ZFYVE21: variants seen among roughly 807,000 people sequenced by gnomAD.
ZFYVE21 encodes zinc finger FYVE-type containing 21, also known as zinc finger FYVE domain-containing protein 21.
In ZFYVE21, 21 loss-of-function variants were observed where a neutral mutation model predicts 29.5. The ratio of observed to expected loss-of-function variants is 0.71; its 90% CI spans 0.50 to 1.02. ZFYVE21 has a LOEUF of 1.02. ZFYVE21 is among the 50% of genes least tolerant of loss of function. ZFYVE21 has a pLI of 0.00. For missense variants in ZFYVE21, 326 were observed against 335.4 expected (o/e 0.97, Z 0.22); for synonymous variants, 151 against 133.8 (o/e 1.13, Z -0.89).
chr14:103,715,810 G>A lies in ZFYVE21; in HGVS notation c.-32G>A, dbSNP rs1012693408. 2.3e-6 allele frequency: 3 copies of A among 1,324,048 alleles called. No individual in the cohort carries two copies. Among genetic ancestry groups the A allele is most frequent in the Non-Finnish European group, 2.9e-6 (3 of 1,030,252 alleles). 82.0% of individuals were successfully genotyped at this position (1,324,048 alleles called of 1,614,324 possible). A position where few individuals can be genotyped will look rare whatever the true frequency, so the allele number is the denominator to read the frequency against. ...CCGGGCTGGGCGAGGGGCCGGGTGC[G>A]GGGCCGCTGGCCGAGAGGCTGAGGC... On this transcript the variant is annotated 5_prime_UTR_variant, in exon 1 of 7. Coordinates refer to ENST00000311141, the MANE Select transcript of ZFYVE21 (RefSeq NM_024071.4).
Position 103,716,114 on chromosome 14 carries a change from C to A in ZFYVE21, c.138+135C>A. The A allele has an allele frequency of 1.1e-6, 1 of 924,812 alleles. No homozygotes were observed. The highest frequency in any genetic ancestry group is 1.4e-6 in the Non-Finnish European group (1 of 740,288). The allele number at this position is 924,812 out of a possible 1,614,324, so 57.3% of individuals were successfully genotyped here. ...TCCCCAGCCGGCCCCCGCCCCCGCT[C>A]TCTCCCAGGTTGGCCGCGTCCCCGG... On this transcript the variant is annotated intron_variant, in intron 1 of 6. Transcript: ENST00000311141. This position sits in a 1 kb window ranked among gnomAD's most constrained non-coding sequence, Gnocchi z 4.8.
chr14:103,716,376 G>C lies in ZFYVE21; in HGVS notation c.138+397G>C, dbSNP rs2083811592. On this transcript the variant is annotated intron_variant, in intron 1 of 6. Transcript: ENST00000311141. This position sits in a 1 kb window ranked among gnomAD's most constrained non-coding sequence, Gnocchi z 4.8. ...CTCGCTCCCGAGAAAGTGGAAGGCG[G>C]AGCGCCTTCCTCGCAGGCTCGGTGG... is the stretch of plus-strand genomic sequence containing the variant. Among the ~76,000 whole-genome samples, 1 of 152,274 alleles carries C rather than the reference G, an allele frequency of 6.6e-6. No homozygotes were observed. The highest frequency in any genetic ancestry group is 2.4e-5 in the African/African-American group (1 of 41,566).
intron 1 of ZFYVE21, among the ~76,000 whole-genome samples, chr14:103,722,138 T>C (rs1267651606): frequency 1.3e-5 from 2 of 152,216 alleles, no homozygotes; most frequent in Non-Finnish European, 2.9e-5. Context: ...GGGTAGGTAT[T>C]TGGCAGTAGT....
Position 103,716,071 on chromosome 14 carries a change from C to T in ZFYVE21, c.138+92C>T, listed in dbSNP as rs1398571217. 5 of 1,121,904 alleles carry T rather than the reference C, an allele frequency of 4.5e-6. No individual in the cohort carries two copies. Among genetic ancestry groups the T allele is most frequent in the Non-Finnish European group, 5.5e-6 (5 of 910,656 alleles). The allele number at this position is 1,121,904 out of a possible 1,614,324, so 69.5% of individuals were successfully genotyped here. A position where few individuals can be genotyped will look rare whatever the true frequency, so the allele number is the denominator to read the frequency against. The stretch of plus-strand genomic sequence containing the variant: ...TTCCAGGCTCCCGCGACGACCCCTC[C>T]GCCTCCGGGCGGCCCCTTCCCCAGC... On this transcript the variant is annotated intron_variant, in intron 1 of 6. Transcript: ENST00000311141. The surrounding 1 kb of genome is among the most constrained non-coding windows in gnomAD (Gnocchi z 4.8).
chr14:103,733,244 A>ATACT lies in ZFYVE21; in HGVS notation c.*229_*232dup. The ATACT allele has an allele frequency of 3.5e-6, 2 of 565,400 alleles. No homozygotes were observed. The highest frequency in any genetic ancestry group is 4.6e-5 in the South Asian group (2 of 43,752). The allele number at this position is 565,400 out of a possible 1,614,324, so 35.0% of individuals were successfully genotyped here. A position where few individuals can be genotyped will look rare whatever the true frequency, so the allele number is the denominator to read the frequency against. On this transcript the variant is annotated 3_prime_UTR_variant, in exon 7 of 7. Coordinates refer to ENST00000311141, the MANE Select transcript of ZFYVE21 (RefSeq NM_024071.4). ...ATGTTTTAGAATTTGTGTATTGTCAATACTTAATTGGGGGTGGGAGAGACT... is the reference window on the plus strand; with the variant it reads ...ATGTTTTAGAATTTGTGTATTGTCAATACTTACTTAATTGGGGGTGGGAGAGACT...
intron 1 of ZFYVE21, among the ~76,000 whole-genome samples, chr14:103,722,055 G>A (rs993820315): frequency 6.6e-6 from 1 of 152,036 alleles, no homozygotes; most frequent in Non-Finnish European, 1.5e-5. Context: ...AGTTAAAGGA[G>A]GCGCTGGTGG....
At chr14:103,721,470 G>A (rs1050689345) in intron 1 of ZFYVE21, among the ~76,000 whole-genome samples, 6 of 152,252 alleles carry the variant, frequency 3.9e-5, no homozygotes, top group Admixed American at 3.3e-4. Flanking sequence ...GCCTCCCATG[G>A]AGGTGAGTGC....
intron 1 of ZFYVE21, among the ~76,000 whole-genome samples, chr14:103,722,523 TA>T (rs34019401): frequency 6.6e-6 from 1 of 151,418 alleles, no homozygotes; most frequent in Non-Finnish European, 1.5e-5. Flanking sequence ...CCTGGCTCAT[TA>T]AAAAAAATGT....
intron 5 of ZFYVE21, 94 bp from the exon 6 acceptor site, chr14:103,732,526 A>G: frequency 7.0e-7 from 1 of 1,430,944 alleles, no homozygotes; most frequent in Non-Finnish European, 9.3e-7. Context: ...GAGCAGCACA[A>G]GGTTAGGATG....
At chr14:103,729,583 G>T (rs546677935) in intron 5 of ZFYVE21, 2 of 646,586 alleles carry the variant, frequency 3.1e-6, no homozygotes, top group South Asian at 3.9e-5. Context: ...GCAGGCGTCT[G>T]TGCAGACTAA....
Position 103,716,957 on chromosome 14 carries a change from A to C in ZFYVE21, c.138+978A>C, listed in dbSNP as rs2083826545. On this transcript the variant is annotated intron_variant, in intron 1 of 6. Coordinates refer to ENST00000311141, the MANE Select transcript of ZFYVE21 (RefSeq NM_024071.4). This position sits in a 1 kb window ranked among gnomAD's most constrained non-coding sequence, Gnocchi z 4.8. ...TTGTAATATGACTTTCATACTTAACACGTGTTACAGATTCGTTTAATTCCC... is the reference window on the plus strand; with the variant it reads ...TTGTAATATGACTTTCATACTTAACCCGTGTTACAGATTCGTTTAATTCCC... Among the ~76,000 whole-genome samples, 1 of 152,202 alleles carries C rather than the reference A, an allele frequency of 6.6e-6. No individual in the cohort carries two copies. The highest frequency in any genetic ancestry group is 1.5e-5 in the Non-Finnish European group (1 of 68,050).
intron 1 of ZFYVE21, among the ~76,000 whole-genome samples, chr14:103,723,540 G>A (rs1295204308): frequency 2.6e-5 from 4 of 152,260 alleles, no homozygotes; most frequent in Non-Finnish European, 5.9e-5. Context: ...ACAAAGCTCA[G>A]GACCTGCCTG....
chr14:103,727,068 C>G, intron 2 of ZFYVE21: 1 of 503,776 alleles, frequency 2.0e-6, no homozygotes. Flanking sequence ...GCCTCAGCCT[C>G]CTGAGTAGCT....
At chr14:103,727,346 CTGTG>C (rs1319618548) in intron 2 of ZFYVE21, 5 of 382,424 alleles carry the variant, frequency 1.3e-5, no homozygotes, top group Non-Finnish European at 2.5e-5. Flanking sequence ...CTTGCGAGGC[CTGTG>C]CACCCACCTG....
At chr14:103,720,783 G>C (rs2083865923) in intron 1 of ZFYVE21, among the ~76,000 whole-genome samples, 1 of 152,076 alleles carries the variant, frequency 6.6e-6, no homozygotes, top group Non-Finnish European at 1.5e-5. Flanking sequence ...GCTCCATGCT[G>C]GTGTCTGCCG....
intron 5 of ZFYVE21, chr14:103,732,332 G>T (rs144595142): frequency 6.6e-6 from 2 of 303,522 alleles, no homozygotes; most frequent in South Asian, 2.3e-4. Flanking sequence ...TCAATTAGCC[G>T]AGAGCAAGGC....
chr14:103,722,164 C>T (rs1245307061), intron 1 of ZFYVE21, among the ~76,000 whole-genome samples: 3 of 152,132 alleles, frequency 2.0e-5, no homozygotes, highest in Admixed American at 1.3e-4. Flanking sequence ...CTTATGTCTT[C>T]ATCCATTGCT....
chr14:103,719,278 A>AAAAT (rs762035229), intron 1 of ZFYVE21, among the ~76,000 whole-genome samples: 164 of 152,208 alleles, frequency 1.1e-3, no homozygotes, highest in Middle Eastern at 3.4e-3. Context: ...ACTCCGTCTC[A>AAAAT]AAATAAATAA....
At chr14:103,732,949 A>G in intron 6 of ZFYVE21, 34 bp from the exon 7 acceptor site, 1 of 1,614,112 alleles carries the variant, frequency 6.2e-7, no homozygotes, top group Non-Finnish European at 8.5e-7. Context: ...AGGACCAAGC[A>G]GGCCTCACTG....
Sources: allele counts gnomAD v4.1 joint callset (sites outside exome capture counted in the v4.1 genomes callset), GRCh38; gene constraint gnomAD v4.1.1; non-coding constraint Gnocchi (gnomAD v3.1); transcripts MANE v1.5; gene names NCBI Gene and HGNC (gene_info 2026-07-23, HGNC 2026-07-21).